CAPN14: variants seen among roughly 807,000 people sequenced by gnomAD.
CAPN14 encodes the protein calpain-14.
Under a neutral mutation model 101.3 loss-of-function variants are expected in CAPN14, and 94 were observed. The ratio of observed to expected loss-of-function variants is 0.93; its 90% confidence interval spans 0.79 to 1.10. The LOEUF (loss-of-function observed/expected upper bound fraction) is 1.10. Ranked by LOEUF, CAPN14 falls within the 50% of genes least tolerant of loss-of-function variation. The pLI, the probability that CAPN14 is intolerant of heterozygous loss-of-function variation, is 0.00. For synonymous variants in CAPN14, 338 were observed against 317.9 expected (o/e 1.06, Z -0.67); for missense variants, 837 against 828.4 (o/e 1.01, Z -0.13).
At chr2:31,205,200 T>G (rs543049917) in intron 2 of CAPN14, 23 bp downstream of exon 2, 1 of 1,544,966 alleles carries the variant, frequency 6.5e-7, no homozygotes, top group East Asian at 2.4e-5. Context: ...AAGGAGGGTC[T>G]GGGCTGACAC....
At position 31,180,958 on chromosome 2, in the gene CAPN14, T is replaced by G. The variant is rs1042620581; in HGVS notation, c.1688A>C (p.Gln563Pro). The change falls in exon 17 of 22, where the codon CAG becomes CCG. Residue 563 changes from glutamine (Q) to proline (P), a missense_variant. Physicochemically the swap from Gln to Pro is moderately conservative, Grantham distance 76 (BLOSUM62 -1). Coordinates refer to ENST00000403897, the MANE Select transcript of CAPN14 (RefSeq NM_001145122.2). Reference protein sequence around the residue: ...RQPFFSLEACQGILALLDLNA... With the variant: ...RQPFFSLEACPGILALLDLNA... ...TACGTCCAGTAAGGCCAGGATCCCC[T>G]GGCAGGCTTCCAGGCTAAAGAAGGG... The G allele has an allele frequency of 1.3e-6, 2 of 1,551,818 alleles. No homozygotes were observed. Among genetic ancestry groups the G allele is most frequent in the African/African-American group, 2.7e-5 (2 of 73,168 alleles).
chr2:31,209,761 A>C (rs1188219482), intron 1 of CAPN14, among the ~76,000 whole-genome samples: 1 of 152,192 alleles, frequency 6.6e-6, no homozygotes, highest in Non-Finnish European at 1.5e-5. Flanking sequence ...CCAGCTGTGC[A>C]CATCTCTTCT....
At chr2:31,210,118 G>A (rs936408234) in intron 1 of CAPN14, among the ~76,000 whole-genome samples, 1 of 152,182 alleles carries the variant, frequency 6.6e-6, no homozygotes, top group African/African-American at 2.4e-5. Context: ...TCACAAACTG[G>A]ACAGAAATGA....
chr2:31,173,970 C>G lies in CAPN14; in HGVS notation c.*711G>C, dbSNP rs1680173357. On this transcript the variant is annotated 3_prime_UTR_variant, in exon 22 of 22. Transcript: ENST00000403897. ...TGGATCTGATAGTCTATATATCAAG[C>G]AAATAGACACACCTGTCACAAGCAG... is the stretch of plus-strand genomic sequence containing the variant. The G allele has an allele frequency of 1.3e-5, 2 of 152,242 alleles. No homozygotes were observed. The highest frequency in any genetic ancestry group is 4.1e-4 in the South Asian group (2 of 4,834). The allele number at this position is 152,242 out of a possible 1,614,324, so 9.4% of individuals were successfully genotyped here.
rs1274765896 is a variant in CAPN14, at chr2:31,189,317, C to T, written c.1449G>A (p.Lys483=). Residue 483 remains lysine, a synonymous_variant, in exon 13 of 22, where the codon AAG becomes AAA. Coordinates refer to ENST00000403897, the MANE Select transcript of CAPN14 (RefSeq NM_001145122.2). ...AGAAGACCCTGAGGACGAACTCTGACTTCTGGTGGGCCTCCAATATGCAGG... is the reference window on the plus strand; with the variant it reads ...AGAAGACCCTGAGGACGAACTCTGATTTCTGGTGGGCCTCCAATATGCAGG... ...IVPCILEAHQ[K]SEFVLRVFSR... 2.6e-6 allele frequency: 4 copies of T among 1,551,602 alleles called. No individual in the cohort carries two copies. Among genetic ancestry groups the T allele is most frequent in the African/African-American group, 2.7e-5 (2 of 73,060 alleles).
At chr2:31,187,249 C>T (rs1680940961) in intron 15 of CAPN14, among the ~76,000 whole-genome samples, 1 of 152,172 alleles carries the variant, frequency 6.6e-6, no homozygotes, top group African/African-American at 2.4e-5. Context: ...GCCAGACTCA[C>T]ATCTGGGTCA....
Position 31,200,727 on chromosome 2 carries a change from CATACCAAAAGCAGAGCTCAGGCA to C in CAPN14, c.552-125_552-103del, listed in dbSNP as rs1033981094. 74 of 1,170,338 alleles carry C rather than the reference CATACCAAAAGCAGAGCTCAGGCA, an allele frequency of 6.3e-5. No homozygotes were observed. In the Admixed American group the frequency reaches 6.4e-4, roughly 10 times the overall value. The allele number at this position is 1,170,338 out of a possible 1,614,324, so 72.5% of individuals were successfully genotyped here. A position where few individuals can be genotyped will look rare whatever the true frequency, so the allele number is the denominator to read the frequency against. On this transcript the variant is annotated intron_variant, in intron 5 of 21. Transcript: ENST00000403897. The stretch of plus-strand genomic sequence containing the variant: ...CTTTTAAATAGGAGTCTAGTTTTCT[CATACCAAAAGCAGAGCTCAGGCA>C]ACCCTGACATAGTTTCCAATACCAT...
rs556459873 is a variant in CAPN14, at chr2:31,191,495, G to A, written c.1279-88C>T. Reference sequence around the variant, plus strand: ...AGGGAATCTGGCTCTTTCATAAACCGAAACCCGAATAGAAGCTGATATACA... The same window carrying A: ...AGGGAATCTGGCTCTTTCATAAACCAAAACCCGAATAGAAGCTGATATACA... On this transcript the variant is annotated intron_variant, in intron 11 of 21. Transcript: ENST00000403897. 66 of 1,337,112 alleles carry A rather than the reference G, an allele frequency of 4.9e-5. No individual in the cohort carries two copies. The South Asian group carries it at 5.0e-4, about 10-fold the overall frequency. The allele number at this position is 1,337,112 out of a possible 1,614,324, so 82.8% of individuals were successfully genotyped here. A position where few individuals can be genotyped will look rare whatever the true frequency, so the allele number is the denominator to read the frequency against.
At position 31,201,991 on chromosome 2, in the gene CAPN14, T is replaced by C. The variant is rs1325630057; in HGVS notation, c.422A>G (p.His141Arg). 2 of 1,551,660 alleles carry C rather than the reference T, an allele frequency of 1.3e-6. No individual in the cohort carries two copies. The highest frequency in any genetic ancestry group is 2.0e-5 in the Admixed American group (1 of 50,994). The change falls in exon 5 of 22, where the codon CAC becomes CGC. Residue 141 changes from histidine to arginine, a missense_variant. Physicochemically the swap from His to Arg is conservative, Grantham distance 29 (BLOSUM62 0). Transcript: ENST00000403897. ...CACCACAGGAACCCAGTTCCCATAG[T>C]GCCAGAACTGGAGGGAGAGAGTGGC... ...YAGIFRFWFW[H>R]YGNWVPVVID...
rs557092023 is a variant in CAPN14, at chr2:31,192,001, G to T, written c.1212C>A (p.Leu404=). ...TGCGGCACCTGTGCCTGGGCTTCTG[G>T]AGCAGGGACACCAGCACGCTGCAGG... ...LRPCSVLVSL[L]QKPRHRCRKR... is the part of the protein sequence containing the mutation. Residue 404 remains leucine, a synonymous_variant, in exon 11 of 22, where the codon CTC becomes CTA. Coordinates refer to ENST00000403897, the MANE Select transcript of CAPN14 (RefSeq NM_001145122.2). 1 of 1,551,526 alleles carries T rather than the reference G, an allele frequency of 6.4e-7. No individual in the cohort carries two copies. The highest frequency in any genetic ancestry group is 1.4e-5 in the African/African-American group (1 of 73,060).
At position 31,197,237 on chromosome 2, in the gene CAPN14, C is replaced by T; in HGVS notation, c.875+12G>A. The T allele has an allele frequency of 6.5e-7, 1 of 1,545,030 alleles. No homozygotes were observed. Among genetic ancestry groups the T allele is most frequent in the African/African-American group, 1.4e-5 (1 of 72,978 alleles). ...CCTGTTCTCACCCCTCCAAGATGTCCCCAAAGTTCACCTGTCACTCCAGTC... is the reference window on the plus strand; with the variant it reads ...CCTGTTCTCACCCCTCCAAGATGTCTCCAAAGTTCACCTGTCACTCCAGTC... On this transcript the variant is annotated intron_variant, in intron 8 of 21. Transcript: ENST00000403897.
In CAPN14 at chr2:31,202,258, TCAGA is replaced by T. The variant is rs1161396844; in HGVS notation, c.296-10_296-7del. The T allele has an allele frequency of 1.3e-6, 2 of 1,547,702 alleles. No homozygotes were observed. The highest frequency in any genetic ancestry group is 2.4e-5 in the South Asian group (2 of 83,968). On this transcript the variant is annotated splice_region_variant and splice_polypyrimidine_tract_variant and intron_variant, in intron 3 of 21. Coordinates refer to ENST00000403897, the MANE Select transcript of CAPN14 (RefSeq NM_001145122.2). ...AGCCAAGAACCAGCAGTCTCCTAAG[TCAGA>T]CAGCACACAGCATCTGCATGAATCT...
At chr2:31,203,190 T>C in intron 2 of CAPN14, 51 bp from the exon 3 acceptor site, 4 of 1,481,092 alleles carry the variant, frequency 2.7e-6, no homozygotes, top group Non-Finnish European at 3.7e-6. Flanking sequence ...AAAAAGCTCC[T>C]GGAGCTACAG....
intron 5 of CAPN14, among the ~76,000 whole-genome samples, chr2:31,201,190 T>G (rs1681755019): frequency 7.5e-6 from 1 of 133,966 alleles, no homozygotes; most frequent in Non-Finnish European, 1.8e-5. Flanking sequence ...TGTGCATGTG[T>G]GTGTGCATGT....
At chr2:31,224,957 T>G (rs1013043819) in intron 2 of CAPN14, among the ~76,000 whole-genome samples, 1 of 152,010 alleles carries the variant, frequency 6.6e-6, no homozygotes, top group South Asian at 2.1e-4. Context: ...AATTCACAGT[T>G]TTAATGAGAT....
At chr2:31,222,849 C>T (rs984168570) in intron 2 of CAPN14, among the ~76,000 whole-genome samples, 1 of 152,202 alleles carries the variant, frequency 6.6e-6, no homozygotes, top group Non-Finnish European at 1.5e-5. Context: ...AGTGTGATCA[C>T]ATTCGGAGAT....
At chr2:31,205,159 GC>G in intron 2 of CAPN14, 63 bp downstream of exon 2, 1 of 1,380,022 alleles carries the variant, frequency 7.2e-7, no homozygotes, top group Non-Finnish European at 1.0e-6. Flanking sequence ...TATATCTTAG[GC>G]GCAGTATCTG....
intron 21 of CAPN14, 40 bp from the exon 22 acceptor site, chr2:31,174,747 C>G: frequency 1.3e-6 from 2 of 1,550,074 alleles, no homozygotes; most frequent in Non-Finnish European, 1.7e-6. Flanking sequence ...CAGTTCAGAC[C>G]CACGTCTCAT....
In CAPN14 at chr2:31,192,134, G is replaced by A. The variant is rs549815983; in HGVS notation, c.1115-36C>T. 106 of 1,507,764 alleles carry A rather than the reference G, an allele frequency of 7.0e-5. 1 individual carries two copies. The highest frequency in any genetic ancestry group is 4.7e-4 in the Admixed American group (22 of 46,676). 93.4% of individuals were successfully genotyped at this position (1,507,764 alleles called of 1,614,324 possible). On this transcript the variant is annotated intron_variant, in intron 10 of 21. Coordinates refer to ENST00000403897, the MANE Select transcript of CAPN14 (RefSeq NM_001145122.2). The stretch of plus-strand genomic sequence containing the variant: ...ACACAGCAAGGTGAGAATGGGCCCC[G>A]GATCCCCATGCATCCTGCTTGCCGA...
Sources: allele counts gnomAD v4.1 joint callset (sites outside exome capture counted in the v4.1 genomes callset), GRCh38; gene constraint gnomAD v4.1.1; transcripts MANE v1.5; gene names NCBI Gene and HGNC (gene_info 2026-07-23, HGNC 2026-07-21).